The following LRP1B variants were observed in gnomAD, a reference collection of about 807,000 sequenced individuals.
The protein encoded by LRP1B is LDL receptor related protein 1B, also known as low-density lipoprotein receptor-related protein 1B.
In LRP1B, 217 loss-of-function variants were observed where a neutral mutation model predicts 556.6. The observed-to-expected ratio is 0.39, with a 90% CI of 0.35 to 0.44. The LOEUF is 0.44. Ranked by LOEUF, LRP1B falls within the 20% of genes least tolerant of loss-of-function variation. The pLI, the probability that LRP1B is intolerant of heterozygous loss-of-function variation, is 1.00. For missense variants in LRP1B, 5,053 were observed against 5,620.8 expected, an observed-to-expected ratio of 0.90 and a Z score of 3.23; for synonymous variants, 2,047 against 1,865.8, an observed-to-expected ratio of 1.10 and a Z score of -2.50.
chr2:141,541,736 CAA>C lies in LRP1B; in HGVS notation c.206-61205_206-61204del, dbSNP rs533582582. Among the ~76,000 whole-genome samples, 349 of 151,938 alleles carry C rather than the reference CAA, an allele frequency of 2.3e-3. 3 individuals carry two copies. Among genetic ancestry groups the C allele is most frequent in the African/African-American group, 6.5e-3 (270 of 41,494 alleles). ...TCTGGCTAAAATAAATAAATGTAAA[CAA>C]TATTTTTAAAAAATGTAATCTAATA... is the stretch of plus-strand genomic sequence containing the variant. On this transcript the variant is annotated intron_variant, in intron 2 of 90. Transcript: ENST00000389484.
intron 2 of LRP1B, among the ~76,000 whole-genome samples, chr2:141,728,644 C>A (rs1214229358): frequency 6.6e-6 from 1 of 152,036 alleles, no homozygotes; most frequent in Non-Finnish European, 1.5e-5. Flanking sequence ...TTCGGAAGCT[C>A]ATTTGACTGT....
intron 6 of LRP1B, among the ~76,000 whole-genome samples, chr2:141,215,246 C>A (rs375015305): frequency 5.3e-5 from 8 of 152,184 alleles, no homozygotes; most frequent in African/African-American, 1.4e-4. Flanking sequence ...ATGATTGCAA[C>A]CTTCCTGAGA....
At chr2:141,325,590 C>T (rs969511559) in intron 3 of LRP1B, among the ~76,000 whole-genome samples, 13 of 152,010 alleles carry the variant, frequency 8.6e-5, no homozygotes, top group Non-Finnish European at 1.8e-4. Flanking sequence ...TCTTTGTATT[C>T]CATTTTCCTT....
intron 7 of LRP1B, among the ~76,000 whole-genome samples, chr2:141,149,015 G>A (rs1303515829): frequency 6.6e-6 from 1 of 152,030 alleles, no homozygotes; most frequent in African/African-American, 2.4e-5. Flanking sequence ...CTTAACCCTG[G>A]GAAGCAGAGG....
intron 3 of LRP1B, 126 bp downstream of exon 3, chr2:141,480,270 T>C (rs1682870340): frequency 3.7e-6 from 4 of 1,079,972 alleles, no homozygotes; most frequent in Non-Finnish European, 5.5e-6. Context: ...GGCAGTAAAA[T>C]TCATGCTTTC....
intron 77 of LRP1B, among the ~76,000 whole-genome samples, chr2:140,337,823 A>T (rs1681173762): frequency 6.6e-6 from 1 of 151,816 alleles, no homozygotes; most frequent in Non-Finnish European, 1.5e-5. Flanking sequence ...CTTCTGTTGA[A>T]TTTAGGATTT....
At chr2:141,235,284 G>A (rs532826422) in intron 5 of LRP1B, among the ~76,000 whole-genome samples, 3 of 151,918 alleles carry the variant, frequency 2.0e-5, no homozygotes, top group Non-Finnish European at 2.9e-5. Context: ...ATACATCTAA[G>A]CATTAACTGG....
intron 2 of LRP1B, among the ~76,000 whole-genome samples, chr2:141,580,219 T>C (rs1289422232): frequency 6.6e-6 from 1 of 152,204 alleles, no homozygotes; most frequent in Non-Finnish European, 1.5e-5. Flanking sequence ...ATAAATAGTT[T>C]TTTTAAGTAA....
chr2:140,567,832 G>A (rs1434098794), intron 43 of LRP1B, among the ~76,000 whole-genome samples: 2 of 152,104 alleles, frequency 1.3e-5, no homozygotes, highest in Non-Finnish European at 2.9e-5. Flanking sequence ...AACTTCCATA[G>A]TCAAAATTAT....
intron 1 of LRP1B, among the ~76,000 whole-genome samples, chr2:141,978,282 G>T (rs956134657): frequency 2.6e-5 from 4 of 151,896 alleles, no homozygotes; most frequent in African/African-American, 9.7e-5. Context: ...ATGTGATTTT[G>T]CTCATCAATT....
At chr2:141,954,653 A>C (rs1456732567) in intron 1 of LRP1B, among the ~76,000 whole-genome samples, 1 of 152,084 alleles carries the variant, frequency 6.6e-6, no homozygotes, top group Non-Finnish European at 1.5e-5. Context: ...TATTGTCTTA[A>C]TCGTTGTTAC....
intron 2 of LRP1B, among the ~76,000 whole-genome samples, chr2:141,606,909 G>C (rs950839175): frequency 5.3e-5 from 8 of 152,112 alleles, no homozygotes; most frequent in Middle Eastern, 6.8e-3. Context: ...ACATTTTATT[G>C]GTGAGATTAT....
chr2:140,837,520 T>C (rs1441877419), intron 31 of LRP1B, among the ~76,000 whole-genome samples: 2 of 151,892 alleles, frequency 1.3e-5, no homozygotes, highest in Non-Finnish European at 2.9e-5. Context: ...ATTTTGAAAA[T>C]CTATTTTTTA....
chr2:141,777,870 GT>G (rs150222786), intron 2 of LRP1B, among the ~76,000 whole-genome samples: 7 of 151,724 alleles, frequency 4.6e-5, no homozygotes, highest in Admixed American at 2.6e-4. Context: ...TGATGTAATT[GT>G]TTTTTTTAAT....
At chr2:142,107,168 G>C (rs1574691757) in intron 1 of LRP1B, among the ~76,000 whole-genome samples, 1 of 152,114 alleles carries the variant, frequency 6.6e-6, no homozygotes, top group Non-Finnish European at 1.5e-5. Context: ...AACAGTTTCT[G>C]GGTTAAAATA....
chr2:141,296,516 T>G (rs2105420601), intron 3 of LRP1B, among the ~76,000 whole-genome samples: 1 of 152,296 alleles, frequency 6.6e-6, no homozygotes, highest in Non-Finnish European at 1.5e-5. Flanking sequence ...TGAAATTCAG[T>G]TATTTAAATA....
At chr2:142,118,436 T>C (rs2290142) in intron 1 of LRP1B, among the ~76,000 whole-genome samples, 132,125 of 152,180 alleles carry the variant, frequency 0.87, 57,585 homozygotes, top group East Asian at 0.94. Flanking sequence ...CTTTGGTTAC[T>C]TCCCTTGGCT....
Position 140,623,956 on chromosome 2 carries a change from G to GTA in LRP1B, c.6800-22319_6800-22318dup, listed in dbSNP as rs3060390. Among the ~76,000 whole-genome samples the GTA allele has an allele frequency of 1.7e-3, 185 of 106,430 alleles. 14 individuals are homozygous for GTA. The highest frequency in any genetic ancestry group is 5.3e-3 in the Middle Eastern group (1 of 188). 69.8% of individuals were successfully genotyped at this position (106,430 alleles called of 152,430 possible). On this transcript the variant is annotated intron_variant, in intron 41 of 90. Coordinates refer to ENST00000389484, the MANE Select transcript of LRP1B (RefSeq NM_018557.3). ...AAAATATATATTATATTTTATTTAT[G>GTA]TATATATATATATATATAGCTTAGT...
chr2:141,339,836 A>C (rs1023441287), intron 3 of LRP1B, among the ~76,000 whole-genome samples: 2 of 152,094 alleles, frequency 1.3e-5, no homozygotes, highest in Non-Finnish European at 2.9e-5. Flanking sequence ...TTACATGGAC[A>C]TATTGTGTGG....
Sources: allele counts gnomAD v4.1 joint callset (sites outside exome capture counted in the v4.1 genomes callset), GRCh38; gene constraint gnomAD v4.1.1; transcripts MANE v1.5; gene names NCBI Gene and HGNC (gene_info 2026-07-23, HGNC 2026-07-21).